MINDY3: variants seen among roughly 807,000 people sequenced by gnomAD.
MINDY3 encodes the protein ubiquitin carboxyl-terminal hydrolase MINDY-3.
MINDY3 carries 38 observed loss-of-function variants against 69.2 expected under a neutral mutation model. The ratio of observed to expected loss-of-function variants is 0.55; its 90% CI spans 0.42 to 0.72. The LOEUF (loss-of-function observed/expected upper bound fraction) is 0.72, where lower values mean the gene tolerates loss of function less well. Ranked by LOEUF, MINDY3 falls within the 30% of genes least tolerant of loss-of-function variation. The pLI, the probability that MINDY3 is intolerant of heterozygous loss-of-function variation, is 0.00. For synonymous variants in MINDY3, 192 were observed against 180.1 expected (o/e 1.07, Z -0.53); for missense variants, 522 against 519.0 (o/e 1.01, Z -0.06).
intron 6 of MINDY3, among the ~76,000 whole-genome samples, chr10:15,834,893 A>G (rs1190596406): frequency 1.3e-5 from 2 of 152,102 alleles, no homozygotes; most frequent in Non-Finnish European, 2.9e-5. Flanking sequence ...ATTAACTTTT[A>G]ATAGGAGAAA....
At chr10:15,854,155 G>A (rs998100675) in intron 1 of MINDY3, among the ~76,000 whole-genome samples, 5 of 152,230 alleles carry the variant, frequency 3.3e-5, no homozygotes, top group African/African-American at 1.2e-4. Flanking sequence ...AACAGAGGAT[G>A]AAAAGTTACA....
chr10:15,779,929 C>CCTAA (rs1836393390), intron 14 of MINDY3, among the ~76,000 whole-genome samples: 1 of 152,034 alleles, frequency 6.6e-6, no homozygotes, highest in Non-Finnish European at 1.5e-5. Flanking sequence ...CAACAAAAAC[C>CCTAA]CTAACTCATT....
At chr10:15,783,274 C>T (rs1268919111) in intron 13 of MINDY3, among the ~76,000 whole-genome samples, 1 of 152,180 alleles carries the variant, frequency 6.6e-6, no homozygotes, top group Non-Finnish European at 1.5e-5. Flanking sequence ...TATTTTCCCC[C>T]TCACTTATGC....
At chr10:15,816,288 G>GA (rs1331576458) in intron 10 of MINDY3, among the ~76,000 whole-genome samples, 4 of 113,958 alleles carry the variant, frequency 3.5e-5, no homozygotes, top group Non-Finnish European at 6.7e-5. Flanking sequence ...AAATGAAAAA[G>GA]AAAAAAAATA....
chr10:15,843,375 A>T, intron 2 of MINDY3, 103 bp from the exon 3 acceptor site: 1 of 912,634 alleles, frequency 1.1e-6, no homozygotes, highest in Non-Finnish European at 1.8e-6. Flanking sequence ...TCCCTTTCTA[A>T]TCTTTTGACT....
Position 15,796,011 on chromosome 10 carries a change from A to G in MINDY3, c.955+89T>C, listed in dbSNP as rs1367595302. The G allele has an allele frequency of 1.2e-5, 12 of 974,180 alleles. No homozygotes were observed. The East Asian group carries it at 2.6e-4, about 21-fold the overall frequency. The allele number at this position is 974,180 out of a possible 1,614,324, so 60.3% of individuals were successfully genotyped here. A position where few individuals can be genotyped will look rare whatever the true frequency, so the allele number is the denominator to read the frequency against. On this transcript the variant is annotated intron_variant, in intron 11 of 14. Transcript: ENST00000277632. ...AACTTACATTTCATTAAATAATCCA[A>G]TATATCTTTTGAATAAAATCAGGTC...
chr10:15,783,232 C>G (rs1249659260), intron 13 of MINDY3, among the ~76,000 whole-genome samples: 3 of 152,292 alleles, frequency 2.0e-5, no homozygotes, highest in East Asian at 3.9e-4. Flanking sequence ...CTTGCTTCTT[C>G]AATTCACCTG....
intron 1 of MINDY3, among the ~76,000 whole-genome samples, chr10:15,849,132 G>C (rs1834083786): frequency 6.6e-6 from 1 of 152,134 alleles, no homozygotes; most frequent in Non-Finnish European, 1.5e-5. Flanking sequence ...GATACAGAAA[G>C]GCATGCTCTA....
chr10:15,783,202 C>G (rs1836686857), intron 13 of MINDY3, among the ~76,000 whole-genome samples: 1 of 152,162 alleles, frequency 6.6e-6, no homozygotes, highest in Non-Finnish European at 1.5e-5. Flanking sequence ...TTCAAGGACT[C>G]CAGGAGCACT....
chr10:15,808,321 G>A (rs1330357448), intron 10 of MINDY3, among the ~76,000 whole-genome samples: 1 of 152,114 alleles, frequency 6.6e-6, no homozygotes, highest in Non-Finnish European at 1.5e-5. Context: ...AAAAGGATGA[G>A]GTAACTAAAC....
Position 15,796,160 on chromosome 10 carries a change from C to T in MINDY3, c.895G>A (p.Val299Ile). The T allele has an allele frequency of 6.2e-7, 1 of 1,612,508 alleles. No homozygotes were observed. Among genetic ancestry groups the T allele is most frequent in the Non-Finnish European group, 8.5e-7 (1 of 1,178,976 alleles). The change falls in exon 11 of 15, where the codon GTT becomes ATT. Residue 299 changes from valine to isoleucine, a missense_variant. Physicochemically the swap from Val to Ile is conservative, Grantham distance 29. Transcript: ENST00000277632. ...TVFFAKDMAL[V>I]APEAPSEQAR... ...TGTTCTGAAGGAGCTTCAGGGGCAACTAAAGCCATATCCTGAAAAGATAAG... is the reference window on the plus strand; with the variant it reads ...TGTTCTGAAGGAGCTTCAGGGGCAATTAAAGCCATATCCTGAAAAGATAAG...
intron 10 of MINDY3, among the ~76,000 whole-genome samples, chr10:15,815,099 T>G (rs977102374): frequency 1.3e-5 from 2 of 152,250 alleles, no homozygotes; most frequent in East Asian, 1.9e-4. Flanking sequence ...AAAATTGGTT[T>G]GAAAATACAT....
At chr10:15,837,353 G>T (rs748653459) in intron 5 of MINDY3, 35 bp from the exon 6 acceptor site, 9 of 1,456,180 alleles carry the variant, frequency 6.2e-6, no homozygotes, top group Non-Finnish European at 3.8e-6. Context: ...TTGGTATCAT[G>T]ATGAGATTAA....
chr10:15,788,998 A>G (rs1837203065), intron 12 of MINDY3: 1 of 328,460 alleles, frequency 3.0e-6, no homozygotes, highest in Non-Finnish European at 5.7e-6. Flanking sequence ...TAAAGTTTAT[A>G]GAAAGACACT....
intron 4 of MINDY3, among the ~76,000 whole-genome samples, chr10:15,840,962 A>G (rs1032291273): frequency 6.6e-6 from 1 of 151,626 alleles, no homozygotes; most frequent in Admixed American, 6.6e-5. Flanking sequence ...GTATAAAAAT[A>G]TCCAAATAAT....
At chr10:15,796,522 A>C (rs1837848455) in intron 10 of MINDY3, among the ~76,000 whole-genome samples, 1 of 151,806 alleles carries the variant, frequency 6.6e-6, no homozygotes, top group African/African-American at 2.4e-5. Flanking sequence ...CAAAACCCAA[A>C]CCATTTTTTC....
chr10:15,794,453 C>T (rs1837656231), intron 11 of MINDY3, among the ~76,000 whole-genome samples: 1 of 152,070 alleles, frequency 6.6e-6, no homozygotes, highest in South Asian at 2.1e-4. Flanking sequence ...TGGATTTTAT[C>T]TTCTTCCTAA....
chr10:15,828,543 A>G (rs1371861323), intron 8 of MINDY3, among the ~76,000 whole-genome samples: 1 of 151,910 alleles, frequency 6.6e-6, no homozygotes, highest in East Asian at 1.9e-4. Context: ...TAAATGGGTG[A>G]CATGCATACG....
intron 11 of MINDY3, among the ~76,000 whole-genome samples, chr10:15,793,029 G>A (rs1837538814): frequency 2.0e-5 from 3 of 152,122 alleles, no homozygotes; most frequent in African/African-American, 7.2e-5. Context: ...GAGGCGTAAC[G>A]GATGGAGCCA....
Sources: allele counts gnomAD v4.1 joint callset (sites outside exome capture counted in the v4.1 genomes callset), GRCh38; gene constraint gnomAD v4.1.1; transcripts MANE v1.5; gene names NCBI Gene and HGNC (gene_info 2026-07-23, HGNC 2026-07-21).